Variants in PARN observed in about 807,000 individuals in gnomAD.
PARN encodes poly(A)-specific ribonuclease, also known as poly(A)-specific ribonuclease PARN.
A neutral mutation model predicts 102.8 loss-of-function variants in PARN; 71 were observed. The ratio of observed to expected loss-of-function variants is 0.69; its 90% CI spans 0.57 to 0.84. PARN has a LOEUF of 0.84. Ranked by LOEUF, PARN falls within the 40% of genes least tolerant of loss-of-function variation. The pLI is 0.00. For missense variants in PARN, 782 were observed against 760.9 expected, an observed-to-expected ratio of 1.03 and a Z score of -0.33; for synonymous variants, 261 against 252.9, an observed-to-expected ratio of 1.03 and a Z score of -0.30.
At chr16:14,543,152 C>T (rs940355202) in intron 21 of PARN, among the ~76,000 whole-genome samples, 3 of 152,044 alleles carry the variant, frequency 2.0e-5, no homozygotes, top group African/African-American at 7.2e-5. Flanking sequence ...ACCATGGAGG[C>T]CAGAAGACAG....
Position 14,606,491 on chromosome 16 carries a change from G to T in PARN, c.695C>A (p.Thr232Asn). The T allele has an allele frequency of 6.4e-7, 1 of 1,568,962 alleles. No homozygotes were observed. The highest frequency in any genetic ancestry group is 8.7e-7 in the Non-Finnish European group (1 of 1,146,440). ...PKGIHVETLE[T>N]EKKERYIVIS... ...GATAATTCTTGGGGTTACCTTTTCA[G>T]TTTCTAAAGTCTCAACATGAATGCC... Residue 232 changes from threonine (T) to asparagine (N), a missense_variant, in exon 10 of 24, where the codon ACT (threonine) becomes AAT (asparagine). Physicochemically the swap from Thr to Asn is moderately conservative, Grantham distance 65. Transcript: ENST00000437198.
chr16:14,610,188 G>A (rs1276419751), intron 7 of PARN, among the ~76,000 whole-genome samples: 1 of 152,158 alleles, frequency 6.6e-6, no homozygotes, highest in East Asian at 1.9e-4. Context: ...ATTTGAATAT[G>A]CCGGCTAGGC....
At chr16:14,477,203 G>C (rs1276423914) in intron 22 of PARN, among the ~76,000 whole-genome samples, 1 of 152,212 alleles carries the variant, frequency 6.6e-6, no homozygotes, top group Non-Finnish European at 1.5e-5. Context: ...ACTTTGGGAG[G>C]TCAAGGCAGG....
intron 18 of PARN, among the ~76,000 whole-genome samples, chr16:14,580,412 C>T (rs373807017): frequency 4.6e-5 from 7 of 152,022 alleles, no homozygotes; most frequent in Admixed American, 1.3e-4. Flanking sequence ...TACAGCCTCC[C>T]GAGTAGCTGG....
chr16:14,575,112 C>G (rs1330818932), intron 18 of PARN, among the ~76,000 whole-genome samples: 1 of 152,198 alleles, frequency 6.6e-6, no homozygotes, highest in East Asian at 1.9e-4. Flanking sequence ...AGGAAGAAGT[C>G]TGCTGCAGGG....
chr16:14,620,100 G>A (rs568868817), intron 5 of PARN, among the ~76,000 whole-genome samples: 20 of 147,608 alleles, frequency 1.4e-4, no homozygotes, highest in African/African-American at 4.0e-4. Context: ...AACACTGGCC[G>A]GGCACAGTGG....
chr16:14,512,474 C>A (rs1217284231), intron 21 of PARN, among the ~76,000 whole-genome samples: 1 of 152,110 alleles, frequency 6.6e-6, no homozygotes, highest in African/African-American at 2.4e-5. Flanking sequence ...GCCTGGGCAA[C>A]AGAGTGAGAC....
intron 5 of PARN, among the ~76,000 whole-genome samples, chr16:14,623,163 A>C (rs1972427083): frequency 6.6e-6 from 1 of 152,036 alleles, no homozygotes; most frequent in Non-Finnish European, 1.5e-5. Context: ...ATACATGTAC[A>C]TAAAAGCTAG....
At chr16:14,600,569 G>C (rs867521352) in intron 11 of PARN, among the ~76,000 whole-genome samples, 17 of 151,996 alleles carry the variant, frequency 1.1e-4, no homozygotes, top group African/African-American at 3.9e-4. Context: ...GCTTTCTCCA[G>C]TTTAACTCCC....
At chr16:14,540,215 T>C (rs1450739720) in intron 21 of PARN, among the ~76,000 whole-genome samples, 1 of 152,216 alleles carries the variant, frequency 6.6e-6, no homozygotes, top group Non-Finnish European at 1.5e-5. Flanking sequence ...TGCCATAGTT[T>C]GACTCATTTA....
At chr16:14,504,905 T>C (rs949300067) in intron 21 of PARN, among the ~76,000 whole-genome samples, 11 of 152,246 alleles carry the variant, frequency 7.2e-5, no homozygotes, top group Admixed American at 2.0e-4. Flanking sequence ...CCTGACTTCA[T>C]GGATCTTACA....
chr16:14,577,153 T>A (rs1330952715), intron 18 of PARN, among the ~76,000 whole-genome samples: 2 of 152,220 alleles, frequency 1.3e-5, no homozygotes, highest in Admixed American at 1.3e-4. Flanking sequence ...GTATGCATGT[T>A]TGGTAAAGGT....
chr16:14,628,657 G>A (rs555067337), intron 2 of PARN, among the ~76,000 whole-genome samples: 1 of 152,182 alleles, frequency 6.6e-6, no homozygotes, highest in Non-Finnish European at 1.5e-5. Flanking sequence ...TCTATGCAAA[G>A]AATGTATCTT....
At chr16:14,614,303 C>T (rs893399368) in intron 6 of PARN, among the ~76,000 whole-genome samples, 13 of 151,586 alleles carry the variant, frequency 8.6e-5, no homozygotes, top group African/African-American at 3.1e-4. Context: ...CAGTTTTTGA[C>T]CCTAAGACCC....
chr16:14,615,204 C>G (rs926566933), intron 6 of PARN, among the ~76,000 whole-genome samples: 1 of 151,776 alleles, frequency 6.6e-6, no homozygotes, highest in East Asian at 1.9e-4. Flanking sequence ...TATGGATGAC[C>G]TGGGAGTCCT....
chr16:14,607,959 C>G (rs932587735), intron 9 of PARN: 53 of 280,916 alleles, frequency 1.9e-4, no homozygotes, highest in African/African-American at 1.1e-3. Context: ...CTTGCTTTAC[C>G]AAAAGCATTC....
chr16:14,552,146 A>G (rs902688051), intron 20 of PARN, 51 bp from the exon 21 acceptor site: 1 of 1,057,170 alleles, frequency 9.5e-7, no homozygotes, highest in Admixed American at 1.8e-5. Context: ...GTGGAGAGCT[A>G]TTAGATTTAA....
At chr16:14,518,389 T>C (rs139588065) in intron 21 of PARN, among the ~76,000 whole-genome samples, 1 of 151,404 alleles carries the variant, frequency 6.6e-6, no homozygotes, top group East Asian at 1.9e-4. Flanking sequence ...GCCAAACATA[T>C]TGGCTATACC....
intron 22 of PARN, 78 bp from the exon 23 acceptor site, chr16:14,447,159 T>A: frequency 1.1e-6 from 1 of 930,088 alleles, no homozygotes; most frequent in South Asian, 2.0e-5. Flanking sequence ...ATTTTAATAC[T>A]CTTAATTCTA....
Sources: gnomAD v4.1 joint callset for allele counts (sites outside exome capture counted in the v4.1 genomes callset) on GRCh38, gnomAD v4.1.1 for gene constraint, MANE v1.5 for transcripts, NCBI Gene and HGNC (gene_info 2026-07-23, HGNC 2026-07-21) for gene names.